The following GALNTL6 variants were observed in gnomAD, a reference collection of about 807,000 sequenced individuals.
The protein encoded by GALNTL6 is polypeptide N-acetylgalactosaminyltransferase like 6, also known as polypeptide N-acetylgalactosaminyltransferase-like 6.
GALNTL6 carries 46 observed loss-of-function variants against 73.7 expected under a neutral mutation model. The observed-to-expected ratio is 0.62, with a 90% confidence interval of 0.49 to 0.80. The LOEUF (loss-of-function observed/expected upper bound fraction) is 0.80. Ranked by LOEUF, GALNTL6 falls within the 30% of genes least tolerant of loss-of-function variation. The pLI is 0.00. For missense variants in GALNTL6, 604 were observed against 755.0 expected (o/e 0.80, Z 2.34); for synonymous variants, 259 against 263.7 (o/e 0.98, Z 0.17).
At chr4:172,095,754 G>A (rs1340446458) in intron 2 of GALNTL6, among the ~76,000 whole-genome samples, 1 of 152,068 alleles carries the variant, frequency 6.6e-6, no homozygotes, top group Non-Finnish European at 1.5e-5. Flanking sequence ...TCATCCCAGT[G>A]AAATCTCATT....
chr4:172,508,177 T>C lies in GALNTL6; in HGVS notation c.553+159488T>C, dbSNP rs193077625. Among the ~76,000 whole-genome samples, 14 of 55,116 alleles carry C rather than the reference T, an allele frequency of 2.5e-4. 7 individuals carry two copies. In the East Asian group the frequency reaches 0.19, roughly 765 times the overall value. The allele number at this position is 55,116 out of a possible 152,430, so 36.2% of individuals were successfully genotyped here. A position where few individuals can be genotyped will look rare whatever the true frequency, so the allele number is the denominator to read the frequency against. On this transcript the variant is annotated intron_variant, in intron 5 of 12. Transcript: ENST00000506823. ...TAAATAATCAATTGATCATTGGTGG[T>C]CTCAGAGACTATATTTTCAGCAGAC...
chr4:172,806,435 T>C (rs1740966713), intron 5 of GALNTL6, among the ~76,000 whole-genome samples: 1 of 152,218 alleles, frequency 6.6e-6, no homozygotes, highest in Non-Finnish European at 1.5e-5. Context: ...CTCACTGAGT[T>C]CTAGAGAATT....
chr4:172,251,494 G>T (rs1737869316), intron 3 of GALNTL6, among the ~76,000 whole-genome samples: 1 of 152,076 alleles, frequency 6.6e-6, no homozygotes, highest in Non-Finnish European at 1.5e-5. Context: ...TTCTCTGTGG[G>T]CCAGGGAAAG....
chr4:172,153,346 A>G lies in GALNTL6; in HGVS notation c.139-76310A>G, dbSNP rs534337412. Among the ~76,000 whole-genome samples, 8 of 152,334 alleles carry G rather than the reference A, an allele frequency of 5.3e-5. No homozygotes were observed. In the East Asian group the frequency reaches 1.5e-3, roughly 29 times the overall value. Reference sequence around the variant, plus strand: ...ATGATTGGAAATGAATCAAAATTGGAGTCACAAACCAAAAATTGGAGTCGA... The same window carrying G: ...ATGATTGGAAATGAATCAAAATTGGGGTCACAAACCAAAAATTGGAGTCGA... On this transcript the variant is annotated intron_variant, in intron 2 of 12. Coordinates refer to ENST00000506823, the MANE Select transcript of GALNTL6 (RefSeq NM_001034845.3).
At chr4:172,024,844 G>A (rs1294483501) in intron 2 of GALNTL6, among the ~76,000 whole-genome samples, 4 of 109,530 alleles carry the variant, frequency 3.7e-5, no homozygotes, top group Admixed American at 1.3e-4. Context: ...CCCTTCTTTC[G>A]CTTATTCCCT....
intron 2 of GALNTL6, among the ~76,000 whole-genome samples, chr4:172,066,324 T>C (rs184928583): frequency 2.5e-4 from 38 of 152,222 alleles, no homozygotes; most frequent in Non-Finnish European, 5.1e-4. Context: ...TTTTCCAGAA[T>C]GTCATATTTT....
At chr4:172,763,890 ACT>A (rs1178594805) in intron 5 of GALNTL6, among the ~76,000 whole-genome samples, 1 of 152,112 alleles carries the variant, frequency 6.6e-6, no homozygotes. Flanking sequence ...AATATCAATG[ACT>A]AATAAACAAA....
At chr4:172,445,297 T>C (rs1731979921) in intron 5 of GALNTL6, among the ~76,000 whole-genome samples, 1 of 152,162 alleles carries the variant, frequency 6.6e-6, no homozygotes, top group African/African-American at 2.4e-5. Context: ...TCTTGCCTGG[T>C]GACTTGAAGT....
At chr4:172,680,665 C>T (rs775506102) in intron 5 of GALNTL6, among the ~76,000 whole-genome samples, 5 of 152,224 alleles carry the variant, frequency 3.3e-5, no homozygotes, top group Non-Finnish European at 7.4e-5. Flanking sequence ...TTTAAAAAAG[C>T]CGTCTTCTTT....
intron 2 of GALNTL6, among the ~76,000 whole-genome samples, chr4:171,862,071 G>A (rs145280659): frequency 9.5e-4 from 144 of 152,244 alleles, no homozygotes; most frequent in African/African-American, 3.2e-3. Flanking sequence ...GAAACTTGTG[G>A]ACAATAATTT....
chr4:173,001,090 C>A (rs149033410), intron 10 of GALNTL6, among the ~76,000 whole-genome samples: 1 of 152,092 alleles, frequency 6.6e-6, no homozygotes, highest in African/African-American at 2.4e-5. Flanking sequence ...AAGCAGAAAC[C>A]AGCATGATAT....
intron 5 of GALNTL6, among the ~76,000 whole-genome samples, chr4:172,635,739 A>T (rs1008897466): frequency 2.6e-5 from 4 of 152,156 alleles, no homozygotes; most frequent in Non-Finnish European, 5.9e-5. Context: ...AGTTTGGCAC[A>T]ATTATTTTTC....
At chr4:172,974,073 G>A (rs945122204) in intron 10 of GALNTL6, among the ~76,000 whole-genome samples, 5 of 152,188 alleles carry the variant, frequency 3.3e-5, no homozygotes, top group Non-Finnish European at 7.3e-5. Context: ...GCTTTTTGGT[G>A]ATATTGTAGG....
intron 2 of GALNTL6, among the ~76,000 whole-genome samples, chr4:171,987,739 C>CCT (rs1405289785): frequency 3.3e-5 from 5 of 152,100 alleles, no homozygotes; most frequent in African/African-American, 1.2e-4. Flanking sequence ...GCATAGCCTG[C>CCT]CTTTGCTGGT....
At chr4:172,951,961 C>A in intron 9 of GALNTL6, 76 bp from the exon 10 acceptor site, 1 of 1,251,852 alleles carries the variant, frequency 8.0e-7, no homozygotes, top group Admixed American at 2.2e-5. Flanking sequence ...TTTCTTTTTT[C>A]AATTTCTGGT....
chr4:172,901,706 AC>A (rs1331763813), intron 8 of GALNTL6, among the ~76,000 whole-genome samples: 1 of 152,166 alleles, frequency 6.6e-6, no homozygotes, highest in Non-Finnish European at 1.5e-5. Flanking sequence ...TATCTGAAGG[AC>A]TGAGTTTTTG....
chr4:172,171,191 C>T (rs1191428565), intron 2 of GALNTL6, among the ~76,000 whole-genome samples: 1 of 152,128 alleles, frequency 6.6e-6, no homozygotes, highest in Admixed American at 6.5e-5. Flanking sequence ...GAGTTATAAC[C>T]TCACGGAAGA....
At chr4:172,665,954 T>A (rs1039211793) in intron 5 of GALNTL6, among the ~76,000 whole-genome samples, 2 of 152,186 alleles carry the variant, frequency 1.3e-5, no homozygotes, top group Non-Finnish European at 2.9e-5. Flanking sequence ...TTTACCTCTG[T>A]CCCCTTCTTA....
chr4:172,117,545 A>C (rs759148821), intron 2 of GALNTL6, among the ~76,000 whole-genome samples: 1 of 152,154 alleles, frequency 6.6e-6, no homozygotes, highest in African/African-American at 2.4e-5. Flanking sequence ...AATGCCATGA[A>C]TTTATTTTAC....
Sources: gnomAD v4.1 joint callset for allele counts (sites outside exome capture counted in the v4.1 genomes callset) on GRCh38, gnomAD v4.1.1 for gene constraint, MANE v1.5 for transcripts, NCBI Gene and HGNC (gene_info 2026-07-23, HGNC 2026-07-21) for gene names.